Variants in PIK3C2G observed in about 807,000 individuals in gnomAD.
The protein encoded by PIK3C2G is phosphatidylinositol 3-kinase C2 domain-containing subunit gamma.
PIK3C2G carries 168 observed loss-of-function variants against 181.1 expected under a neutral mutation model. That is an observed-to-expected ratio of 0.93 (90% CI 0.82 to 1.05). The LOEUF is 1.05. PIK3C2G is among the 50% of genes least tolerant of loss of function. PIK3C2G has a pLI of 0.00. For missense variants in PIK3C2G, 1,869 were observed against 1,732.8 expected, an observed-to-expected ratio of 1.08 and a Z score of -1.40; for synonymous variants, 573 against 592.2, an observed-to-expected ratio of 0.97 and a Z score of 0.47.
chr12:18,399,277 G>A (rs1017511641), intron 15 of PIK3C2G, among the ~76,000 whole-genome samples: 2 of 149,586 alleles, frequency 1.3e-5, no homozygotes, highest in African/African-American at 4.9e-5. Context: ...AAATAAGAAA[G>A]TAAACGGTTG....
intron 24 of PIK3C2G, among the ~76,000 whole-genome samples, chr12:18,536,650 A>G (rs1160145498): frequency 6.6e-6 from 1 of 152,076 alleles, no homozygotes; most frequent in African/African-American, 2.4e-5. Context: ...TCTAAGAGTT[A>G]GGTGGTTTAG....
chr12:18,648,055 CA>C lies in PIK3C2G; in HGVS notation c.*28del, dbSNP rs67711384. 142,296 of 1,438,964 alleles carry C rather than the reference CA, an allele frequency of 0.099. 7,712 individuals are homozygous for C. Among genetic ancestry groups the C allele is most frequent in the African/African-American group, 0.2 (14,009 of 69,670 alleles). The allele number at this position is 1,438,964 out of a possible 1,614,324, so 89.1% of individuals were successfully genotyped here. A position where few individuals can be genotyped will look rare whatever the true frequency, so the allele number is the denominator to read the frequency against. ...CATTGCTATGAACATATGCATTATT[CA>C]TTAACTACTTGTATTTTTTTCACTT... On this transcript the variant is annotated 3_prime_UTR_variant, in exon 33 of 33. Transcript: ENST00000538779.
chr12:18,653,295 C>T (rs545956263), downstream of PIK3C2G, among the ~76,000 whole-genome samples: 4 of 152,210 alleles, frequency 2.6e-5, no homozygotes, highest in Non-Finnish European at 5.9e-5. Context: ...TTTGATATTA[C>T]ATAGGAAAAA....
intron 24 of PIK3C2G, among the ~76,000 whole-genome samples, chr12:18,532,854 G>A (rs1434202833): frequency 1.3e-5 from 2 of 150,234 alleles, no homozygotes; most frequent in East Asian, 3.9e-4. Context: ...TTTAACTGGA[G>A]TAGAGTGGTT....
upstream of PIK3C2G, among the ~76,000 whole-genome samples, chr12:18,260,698 G>C (rs780695500): frequency 6.6e-6 from 1 of 151,956 alleles, no homozygotes; most frequent in Non-Finnish European, 1.5e-5. Flanking sequence ...GAAAAAAACA[G>C]CAACAACAAA....
the PIK3C2G span, among the ~76,000 whole-genome samples, chr12:18,654,070 T>C: frequency 6.6e-6 from 1 of 151,962 alleles, no homozygotes; most frequent in East Asian, 1.9e-4. Context: ...AAATAGAATG[T>C]GTCAAACTGA....
At chr12:18,515,981 A>G (rs374663394) in intron 24 of PIK3C2G, among the ~76,000 whole-genome samples, 3 of 151,984 alleles carry the variant, frequency 2.0e-5, no homozygotes, top group African/African-American at 7.2e-5. Flanking sequence ...ATTAGTCTTT[A>G]TACTAAATAT....
chr12:18,243,901 T>G (rs1316108975), upstream of PIK3C2G, among the ~76,000 whole-genome samples: 6 of 151,928 alleles, frequency 3.9e-5, no homozygotes, highest in Admixed American at 3.9e-4. Context: ...TTATTGAACA[T>G]CCTGAGGATG....
the PIK3C2G span, chr12:18,683,741 G>A: frequency 1.2e-5 from 9 of 728,586 alleles, no homozygotes; most frequent in Non-Finnish European, 1.7e-5. Context: ...AAGGGGTCAG[G>A]AAAGGATAGT....
At chr12:18,324,076 C>A (rs1951224251) in intron 7 of PIK3C2G, among the ~76,000 whole-genome samples, 1 of 152,016 alleles carries the variant, frequency 6.6e-6, no homozygotes, top group Admixed American at 6.6e-5. Context: ...AAACATTAGC[C>A]GGGCGTGGTG....
At chr12:18,623,196 A>G (rs1948941125) in intron 31 of PIK3C2G, among the ~76,000 whole-genome samples, 1 of 151,862 alleles carries the variant, frequency 6.6e-6, no homozygotes, top group African/African-American at 2.4e-5. Context: ...TTAAGTCTTT[A>G]ACTCATTTTG....
chr12:18,355,610 T>G (rs552733417), intron 11 of PIK3C2G, among the ~76,000 whole-genome samples: 206 of 152,152 alleles, frequency 1.4e-3, no homozygotes, highest in Non-Finnish European at 2.7e-3. Flanking sequence ...CTGGGCAGCA[T>G]GCACCGCTAA....
intron 26 of PIK3C2G, among the ~76,000 whole-genome samples, chr12:18,560,024 T>C (rs1296931172): frequency 6.6e-6 from 1 of 151,394 alleles, no homozygotes; most frequent in African/African-American, 2.4e-5. Context: ...TTTGTATTTT[T>C]AGTAGAGATG....
At chr12:18,487,922 G>A (rs1394564462) in intron 18 of PIK3C2G, among the ~76,000 whole-genome samples, 2 of 152,034 alleles carry the variant, frequency 1.3e-5, no homozygotes, top group African/African-American at 4.8e-5. Flanking sequence ...AGATATGCCT[G>A]AAAACAAAAA....
intron 31 of PIK3C2G, among the ~76,000 whole-genome samples, chr12:18,629,333 A>G (rs1372929864): frequency 6.6e-6 from 1 of 152,186 alleles, no homozygotes; most frequent in Admixed American, 6.5e-5. Context: ...GGTCCCTAAG[A>G]AATGGTCAGG....
intron 5 of PIK3C2G, among the ~76,000 whole-genome samples, chr12:18,304,380 C>G (rs1950331941): frequency 2.0e-5 from 3 of 152,074 alleles, no homozygotes; most frequent in African/African-American, 7.2e-5. Flanking sequence ...CCTCAGCCTC[C>G]TGATTAGCTG....
chr12:18,636,308 C>G (rs1949600959), intron 31 of PIK3C2G, among the ~76,000 whole-genome samples: 1 of 152,144 alleles, frequency 6.6e-6, no homozygotes, highest in South Asian at 2.1e-4. Flanking sequence ...TCTCGGCTCA[C>G]CGCAACCTCT....
intron 10 of PIK3C2G, among the ~76,000 whole-genome samples, chr12:18,344,815 C>A (rs1419463184): frequency 6.6e-6 from 1 of 152,122 alleles, no homozygotes; most frequent in African/African-American, 2.4e-5. Context: ...CCATATTTCA[C>A]CACCAAGCCC....
downstream of PIK3C2G, among the ~76,000 whole-genome samples, chr12:18,649,478 C>G (rs948478683): frequency 1.4e-4 from 22 of 152,214 alleles, no homozygotes; most frequent in African/African-American, 4.3e-4. Context: ...ACCATGCAAC[C>G]ATGATGTTAT....
Sources: gnomAD v4.1 joint callset for allele counts (sites outside exome capture counted in the v4.1 genomes callset) on GRCh38, gnomAD v4.1.1 for gene constraint, MANE v1.5 for transcripts, NCBI Gene and HGNC (gene_info 2026-07-23, HGNC 2026-07-21) for gene names.